The following TMPRSS11E variants were observed in gnomAD, a reference collection of about 807,000 sequenced individuals.
TMPRSS11E encodes transmembrane serine protease 11E.
A neutral mutation model predicts 48.1 loss-of-function variants in TMPRSS11E; 38 were observed. That is an observed-to-expected ratio of 0.79 (90% CI 0.61 to 1.04). The LOEUF (loss-of-function observed/expected upper bound fraction) is 1.04. Ranked by LOEUF, TMPRSS11E falls within the 50% of genes least tolerant of loss-of-function variation. The pLI is 0.00. For synonymous variants in TMPRSS11E, 158 were observed against 171.9 expected, an observed-to-expected ratio of 0.92 and a Z score of 0.63; for missense variants, 530 against 510.8, an observed-to-expected ratio of 1.04 and a Z score of -0.36.
Position 68,466,708 on chromosome 4 carries a change from G to T in TMPRSS11E, c.214G>T (p.Ala72Ser). The change falls in exon 3 of 10, where the codon GCT becomes TCT. Residue 72 changes from alanine to serine, a missense_variant. Ala to Ser is a moderately conservative substitution (Grantham distance 99). Transcript: ENST00000305363. Reference sequence around the variant, plus strand: ...ACTATATGCTGAGTTTGGCAGAGAGGCTTCTAACAATTTTACAGAAATGAG... The same window carrying T: ...ACTATATGCTGAGTTTGGCAGAGAGTCTTCTAACAATTTTACAGAAATGAG... ...DKLYAEFGRE[A>S]SNNFTEMSQR... 2 of 1,613,716 alleles carry T rather than the reference G, an allele frequency of 1.2e-6. No individual in the cohort carries two copies. Among genetic ancestry groups the T allele is most frequent in the South Asian group, 1.1e-5 (1 of 91,062 alleles).
intron 4 of TMPRSS11E, among the ~76,000 whole-genome samples, chr4:68,469,315 C>T (rs1729002581): frequency 6.6e-6 from 1 of 151,924 alleles, no homozygotes; most frequent in Non-Finnish European, 1.5e-5. Flanking sequence ...TCTTCTTCCT[C>T]CTATTAATCA....
intron 5 of TMPRSS11E, among the ~76,000 whole-genome samples, chr4:68,472,534 A>G (rs979384561): frequency 1.2e-4 from 18 of 152,014 alleles, no homozygotes; most frequent in Non-Finnish European, 2.5e-4. Flanking sequence ...GCAAAAGCTC[A>G]TTGGCCACAG....
intron 9 of TMPRSS11E, among the ~76,000 whole-genome samples, chr4:68,487,813 C>A (rs1181735660): frequency 2.0e-5 from 3 of 151,686 alleles, no homozygotes; most frequent in Non-Finnish European, 2.9e-5. Context: ...TGCTAATGGG[C>A]GCCTGTAATC....
At chr4:68,449,444 A>C (rs560906214) in intron 1 of TMPRSS11E, among the ~76,000 whole-genome samples, 9 of 151,814 alleles carry the variant, frequency 5.9e-5, no homozygotes, top group Admixed American at 4.6e-4. Flanking sequence ...AGGCATCGAC[A>C]TCCACACATA....
At chr4:68,451,239 T>G (rs1328531746) in intron 1 of TMPRSS11E, among the ~76,000 whole-genome samples, 2 of 151,928 alleles carry the variant, frequency 1.3e-5, no homozygotes, top group African/African-American at 2.4e-5. Flanking sequence ...GTTCTTCAAG[T>G]GCGCTCCTTT....
intron 8 of TMPRSS11E, 57 bp downstream of exon 8, chr4:68,477,685 A>C: frequency 6.3e-7 from 1 of 1,588,848 alleles, no homozygotes; most frequent in Non-Finnish European, 8.6e-7. Context: ...ATGGCATTTA[A>C]GCAATGAAAT....
chr4:68,477,384 C>T lies in TMPRSS11E; in HGVS notation c.723C>T (p.Ala241=), dbSNP rs1729251863. The T allele has an allele frequency of 5.0e-6, 8 of 1,613,464 alleles. No individual in the cohort carries two copies. Among genetic ancestry groups the T allele is most frequent in the Non-Finnish European group, 6.8e-6 (8 of 1,179,696 alleles). ...TTCTCCCCAGATATAAGAACCCTGC[C>T]AGATGGACTGCTTCCTTTGGAGTAA... The part of the protein sequence containing the change: ...AHCFTTYKNP[A]RWTASFGVTI... The change falls in exon 8 of 10, where the codon GCC becomes GCT. Residue 241 remains alanine (A), a synonymous_variant. Coordinates refer to ENST00000305363, the MANE Select transcript of TMPRSS11E (RefSeq NM_014058.4).
At chr4:68,491,034 C>T (rs528458627) in intron 9 of TMPRSS11E, among the ~76,000 whole-genome samples, 2 of 152,016 alleles carry the variant, frequency 1.3e-5, no homozygotes, top group Admixed American at 6.6e-5. Context: ...GCTGGGATTA[C>T]GAGTGTGAGC....
intron 2 of TMPRSS11E, among the ~76,000 whole-genome samples, chr4:68,462,757 A>T (rs916904678): frequency 6.6e-6 from 1 of 152,102 alleles, no homozygotes; most frequent in Non-Finnish European, 1.5e-5. Flanking sequence ...TCATCTTAGG[A>T]TATATTGTAG....
intron 1 of TMPRSS11E, among the ~76,000 whole-genome samples, chr4:68,456,875 C>T (rs1206953670): frequency 6.6e-6 from 1 of 152,020 alleles, no homozygotes; most frequent in Non-Finnish European, 1.5e-5. Context: ...TGAAAGTGGA[C>T]CTCTTCCTTA....
At chr4:68,478,035 A>G (rs1422559748) in intron 8 of TMPRSS11E, among the ~76,000 whole-genome samples, 1 of 152,160 alleles carries the variant, frequency 6.6e-6, no homozygotes, top group Admixed American at 6.6e-5. Context: ...TTATTTAGAT[A>G]ACTTGTGGTT....
chr4:68,474,026 G>A (rs1729144799), intron 5 of TMPRSS11E, among the ~76,000 whole-genome samples: 1 of 152,002 alleles, frequency 6.6e-6, no homozygotes, highest in Admixed American at 6.6e-5. Context: ...GAATAGTTTT[G>A]GTCATTAGAA....
In TMPRSS11E at chr4:68,472,205, A is replaced by G. The variant is rs1034775788; in HGVS notation, c.490+582A>G. On this transcript the variant is annotated intron_variant, in intron 5 of 9. Coordinates refer to ENST00000305363, the MANE Select transcript of TMPRSS11E (RefSeq NM_014058.4). ...ACATTTAGAAAATAAGAAATATGAG[A>G]TCCTCAGTGGAAATTAAGATCTGGC... Among the ~76,000 whole-genome samples, 12 of 152,120 alleles carry G rather than the reference A, an allele frequency of 7.9e-5. No individual in the cohort carries two copies. In the East Asian group the frequency reaches 2.3e-3, roughly 29 times the overall value.
chr4:68,482,871 C>A (rs1341522828), intron 9 of TMPRSS11E, among the ~76,000 whole-genome samples: 1 of 152,158 alleles, frequency 6.6e-6, no homozygotes, highest in Non-Finnish European at 1.5e-5. Context: ...TAACTATCAG[C>A]ATTTTGGTCA....
rs1386060085 is a variant in TMPRSS11E at position 68,496,800 on chromosome 4, T to G, written c.1268T>G (p.Ile423Ser). 1 of 1,609,192 alleles carries G rather than the reference T, an allele frequency of 6.2e-7. No individual in the cohort carries two copies. The highest frequency in any genetic ancestry group is 8.5e-7 in the Non-Finnish European group (1 of 1,178,434). ...GACTGGATTACTTCAAAAACTGGTA[T>G]CTAAGAGAGAAAAGCCTCATGGAAC... The part of the protein sequence containing the change: ...LRDWITSKTG[I>S] The change falls in exon 10 of 10, where the codon ATC becomes AGC. Residue 423 changes from isoleucine to serine, a missense_variant. Transcript: ENST00000305363.
At position 68,447,471 on chromosome 4, in the gene TMPRSS11E, G is replaced by A. The variant is rs1728369975; in HGVS notation, c.-42G>A. 6.2e-7 allele frequency: 1 copy of A among 1,603,336 alleles called. No individual in the cohort carries two copies. Among genetic ancestry groups the A allele is most frequent in the Non-Finnish European group, 8.5e-7 (1 of 1,174,368 alleles). ...TAGAGCTGGATTCACACACTTGGAT[G>A]TAGACCTCGACCTTCACAGGACTCT... On this transcript the variant is annotated 5_prime_UTR_variant, in exon 1 of 10. The change abolishes an upstream ATG in the 5' untranslated region. Transcript: ENST00000305363.
chr4:68,485,461 T>C (rs559967596), intron 9 of TMPRSS11E, among the ~76,000 whole-genome samples: 1 of 152,290 alleles, frequency 6.6e-6, no homozygotes, highest in Non-Finnish European at 1.5e-5. Context: ...TTATTTATTT[T>C]CATATGTTGA....
chr4:68,464,063 A>G (rs1464552513), intron 2 of TMPRSS11E, among the ~76,000 whole-genome samples: 6 of 152,204 alleles, frequency 3.9e-5, no homozygotes, highest in Non-Finnish European at 7.3e-5. Flanking sequence ...TGGATGATCA[A>G]CTGAGTAATA....
At chr4:68,458,195 C>A (rs897491490) in intron 1 of TMPRSS11E, among the ~76,000 whole-genome samples, 2 of 152,072 alleles carry the variant, frequency 1.3e-5, no homozygotes, top group African/African-American at 4.8e-5. Context: ...CCAGTGCTTG[C>A]CATTAGCTTT....
Sources: gnomAD v4.1 joint callset for allele counts (sites outside exome capture counted in the v4.1 genomes callset) on GRCh38, gnomAD v4.1.1 for gene constraint, MANE v1.5 for transcripts, NCBI Gene and HGNC (gene_info 2026-07-23, HGNC 2026-07-21) for gene names.